Variants in TEK observed in about 807,000 individuals in gnomAD.
TEK encodes the protein angiopoietin-1 receptor.
Under a neutral mutation model 131.8 loss-of-function variants are expected in TEK, and 43 were observed. The observed-to-expected ratio is 0.33, with a 90% confidence interval of 0.26 to 0.42. TEK has a LOEUF of 0.42. TEK is among the 10% of genes least tolerant of loss of function. The probability of loss-of-function intolerance (pLI) is 1.00; values close to 1 mark genes in which losing one functional copy is unlikely to be tolerated. For synonymous variants in TEK, 580 were observed against 491.6 expected (o/e 1.18, Z -2.38); for missense variants, 1,162 against 1,384.4 (o/e 0.84, Z 2.55).
At chr9:27,133,269 A>C (rs981506811) in intron 1 of TEK, among the ~76,000 whole-genome samples, 2 of 152,234 alleles carry the variant, frequency 1.3e-5, no homozygotes, top group Non-Finnish European at 2.9e-5. Flanking sequence ...TAATGAAAAA[A>C]ATCTGGACAA....
intron 1 of TEK, among the ~76,000 whole-genome samples, chr9:27,153,659 A>C (rs1805069154): frequency 6.6e-6 from 1 of 152,224 alleles, no homozygotes; most frequent in South Asian, 2.1e-4. Context: ...CCCCAACATG[A>C]TTTGGAGAGG....
intron 15 of TEK, among the ~76,000 whole-genome samples, chr9:27,208,709 G>A (rs908410418): frequency 1.8e-4 from 28 of 152,198 alleles, no homozygotes; most frequent in African/African-American, 6.8e-4. Context: ...AGCTGGAAGA[G>A]CTAAAATCTA....
At chr9:27,205,686 T>A (rs981151862) in intron 14 of TEK, among the ~76,000 whole-genome samples, 3 of 152,162 alleles carry the variant, frequency 2.0e-5, no homozygotes, top group African/African-American at 7.2e-5. Context: ...AAAATCACAC[T>A]TTACCAAGAG....
intron 1 of TEK, 118 bp downstream of exon 1, chr9:27,109,760 C>A: frequency 1.0e-6 from 1 of 963,562 alleles, no homozygotes; most frequent in Non-Finnish European, 1.6e-6. Flanking sequence ...GTAGCAAAGG[C>A]ACCATTTCTC....
intron 1 of TEK, among the ~76,000 whole-genome samples, chr9:27,120,669 C>T (rs560917780): frequency 6.6e-6 from 1 of 152,330 alleles, no homozygotes; most frequent in South Asian, 2.1e-4. Context: ...ATTGCTATTC[C>T]CTTTGTTCAA....
intron 15 of TEK, 49 bp from the exon 16 acceptor site, chr9:27,209,072 C>A: frequency 2.2e-6 from 3 of 1,357,730 alleles, no homozygotes; most frequent in Non-Finnish European, 3.2e-6. Flanking sequence ...ACAGCTGATT[C>A]TGAAAAGGTG....
chr9:27,204,759 T>TA, intron 13 of TEK, 152 bp from the exon 14 acceptor site: 1 of 935,846 alleles, frequency 1.1e-6, no homozygotes. Context: ...GTTTGGAATA[T>TA]AAATGAGTAG....
chr9:27,166,683 A>G (rs567749614), intron 2 of TEK, among the ~76,000 whole-genome samples: 16 of 152,204 alleles, frequency 1.1e-4, no homozygotes, highest in Non-Finnish European at 2.2e-4. Flanking sequence ...ATATTTTTAT[A>G]TCCCTTTATT....
At position 27,188,890 on chromosome 9, in the gene TEK, T is replaced by C. The variant is rs543918724; in HGVS notation, c.1328-1639T>C. ...AAAATGCTGAGTGTCTTGGAGAAAATTAAAGCAGAAATGGGGGTAGAGAAT... is the reference window on the plus strand; with the variant it reads ...AAAATGCTGAGTGTCTTGGAGAAAACTAAAGCAGAAATGGGGGTAGAGAAT... On this transcript the variant is annotated intron_variant, in intron 9 of 22. Transcript: ENST00000380036. Among the ~76,000 whole-genome samples, 11 of 152,098 alleles carry C rather than the reference T, an allele frequency of 7.2e-5. No homozygotes were observed. The South Asian group carries it at 1.9e-3, about 26-fold the overall frequency.
intron 16 of TEK, among the ~76,000 whole-genome samples, chr9:27,209,530 C>T (rs1267293661): frequency 2.0e-5 from 3 of 152,112 alleles, no homozygotes; most frequent in Middle Eastern, 3.2e-3. Flanking sequence ...TCTCCACTAC[C>T]ACTACTATTA....
chr9:27,200,620 A>G (rs904392197), intron 12 of TEK, among the ~76,000 whole-genome samples: 18 of 152,194 alleles, frequency 1.2e-4, no homozygotes, highest in Admixed American at 9.8e-4. Context: ...TTGATCATGT[A>G]TGTTCATAAG....
At chr9:27,131,308 A>C (rs2131061877) in intron 1 of TEK, among the ~76,000 whole-genome samples, 1 of 151,684 alleles carries the variant, frequency 6.6e-6, no homozygotes, top group East Asian at 2.0e-4. Flanking sequence ...CCAACATGGT[A>C]AAACCCCGTC....
At chr9:27,179,757 G>A (rs1213369179) in intron 6 of TEK, among the ~76,000 whole-genome samples, 1 of 152,078 alleles carries the variant, frequency 6.6e-6, no homozygotes, top group Non-Finnish European at 1.5e-5. Context: ...ACTCTTTCTG[G>A]GTTTTCCCTC....
At chr9:27,180,982 A>G (rs1430108200) in intron 7 of TEK, among the ~76,000 whole-genome samples, 1 of 152,186 alleles carries the variant, frequency 6.6e-6, no homozygotes, top group Non-Finnish European at 1.5e-5. Context: ...CATTGCCATA[A>G]TCTAATTTTA....
intron 1 of TEK, 148 bp from the exon 2 acceptor site, chr9:27,157,683 G>C: frequency 1.0e-6 from 1 of 960,906 alleles, no homozygotes; most frequent in Non-Finnish European, 1.6e-6. Flanking sequence ...TTTGGATTTT[G>C]TCCAGTGGAA....
At chr9:27,118,221 G>A (rs12346794) in intron 1 of TEK, among the ~76,000 whole-genome samples, 3,527 of 152,274 alleles carry the variant, frequency 0.023, 132 homozygotes, top group African/African-American at 0.081. Context: ...ATGCCTTTAT[G>A]TGCCAAGTGT....
intron 10 of TEK, 24 bp downstream of exon 10, chr9:27,190,714 C>T: frequency 6.2e-7 from 1 of 1,613,400 alleles, no homozygotes; most frequent in Non-Finnish European, 8.5e-7. Context: ...AGGATAGATG[C>T]CAGCTGGGGA....
chr9:27,225,148 G>A (rs1826262960), intron 21 of TEK, among the ~76,000 whole-genome samples: 1 of 152,168 alleles, frequency 6.6e-6, no homozygotes, highest in Admixed American at 6.5e-5. Context: ...CTCATGGACA[G>A]GAAGAATCAA....
intron 9 of TEK, among the ~76,000 whole-genome samples, chr9:27,189,833 T>G (rs1824742991): frequency 6.7e-6 from 1 of 148,324 alleles, no homozygotes; most frequent in South Asian, 2.1e-4. Flanking sequence ...CTATAATAAA[T>G]TTGAGTTGTT....
Sources: allele counts gnomAD v4.1 joint callset (sites outside exome capture counted in the v4.1 genomes callset), GRCh38; gene constraint gnomAD v4.1.1; transcripts MANE v1.5; gene names NCBI Gene and HGNC (gene_info 2026-07-23, HGNC 2026-07-21).